MLC1: variants seen among roughly 807,000 people sequenced by gnomAD.
The protein encoded by MLC1 is membrane protein MLC1.
In MLC1, 32 loss-of-function variants were observed where a neutral mutation model predicts 44.7. The ratio of observed to expected loss-of-function variants is 0.72; its 90% CI spans 0.54 to 0.96. MLC1 has a LOEUF of 0.96. Ranked by LOEUF, MLC1 falls within the 40% of genes least tolerant of loss-of-function variation. The pLI is 0.00. For missense variants in MLC1, 459 were observed against 492.2 expected (o/e 0.93, Z 0.64); for synonymous variants, 190 against 213.0 (o/e 0.89, Z 0.94).
chr22:50,064,457 C>T lies in MLC1; in HGVS notation c.895-259G>A, dbSNP rs8142282. Among the ~76,000 whole-genome samples, 76,547 of 152,126 alleles carry T rather than the reference C, an allele frequency of 0.5. 20,357 individuals carry two copies. Among genetic ancestry groups the T allele is most frequent in the South Asian group, 0.59 (2,867 of 4,830 alleles). On this transcript the variant is annotated intron_variant, in intron 10 of 11. Coordinates refer to ENST00000311597, the MANE Select transcript of MLC1 (RefSeq NM_015166.4). ...AAGTGACCGAGCCACTGCCAGGCCC[C>T]GTGGACAGTGCTGGCTGCTAGTGGT...
intron 8 of MLC1, 31 bp from the exon 9 acceptor site, chr22:50,070,614 A>G: frequency 6.5e-7 from 1 of 1,547,890 alleles, no homozygotes; most frequent in Non-Finnish European, 8.7e-7. Context: ...AAGATTTTAG[A>G]GGAAATAGTC....
Position 50,083,263 on chromosome 22 carries a change from A to G in MLC1, c.178-90T>C, listed in dbSNP as rs2062192633. ...TCAACTTCTGCTTCACTGTCTGTGT[A>G]TTGGTGACTCACCCACGTCCCCCAG... On this transcript the variant is annotated intron_variant, in intron 2 of 11. Coordinates refer to ENST00000311597, the MANE Select transcript of MLC1 (RefSeq NM_015166.4). This position sits in a 1 kb window ranked among gnomAD's most constrained non-coding sequence, Gnocchi z 4.6. 1.7e-6 allele frequency: 2 copies of G among 1,180,526 alleles called. No individual in the cohort carries two copies. The highest frequency in any genetic ancestry group is 2.5e-6 in the Non-Finnish European group (2 of 798,176). The allele number at this position is 1,180,526 out of a possible 1,614,324, so 73.1% of individuals were successfully genotyped here.
intron 5 of MLC1, 96 bp downstream of exon 5, chr22:50,079,822 A>G (rs1190576566): frequency 2.2e-6 from 2 of 910,032 alleles, no homozygotes; most frequent in East Asian, 4.8e-5. Context: ...AATAACATTT[A>G]CCACCTATTT....
chr22:50,069,357 C>T (rs73183381), intron 9 of MLC1, among the ~76,000 whole-genome samples: 18,523 of 151,774 alleles, frequency 0.12, 1,254 homozygotes, highest in South Asian at 0.23. Flanking sequence ...TTTTGAAATA[C>T]TTACCATCTA....
In MLC1 at chr22:50,084,925, G is replaced by A. The variant is rs1193579847; in HGVS notation, c.-23C>T. The A allele has an allele frequency of 1.9e-6, 3 of 1,608,616 alleles. No individual in the cohort carries two copies. Among genetic ancestry groups the A allele is most frequent in the East Asian group, 4.5e-5 (2 of 44,900 alleles). On this transcript the variant is annotated 5_prime_UTR_variant, in exon 2 of 12. Transcript: ENST00000311597. Reference sequence around the variant, plus strand: ...CATGGCACTTGGGGACACCACAGCTGTGCTGAATGTACAGCCACGTGTCAC... The same window carrying A: ...CATGGCACTTGGGGACACCACAGCTATGCTGAATGTACAGCCACGTGTCAC...
intron 7 of MLC1, among the ~76,000 whole-genome samples, chr22:50,074,854 T>C (rs1004756236): frequency 8.5e-5 from 13 of 152,292 alleles, no homozygotes; most frequent in African/African-American, 2.9e-4. Context: ...TAGCACCCCT[T>C]TTCTAGAAAT....
Position 50,071,009 on chromosome 22 carries a change from C to T in MLC1, c.715-426G>A, listed in dbSNP as rs138875792. ...CACACACCCAAAGCAGGACCACGCTCGAGAGACTCCACGTGGGGCCGATGT... is the reference window on the plus strand; with the variant it reads ...CACACACCCAAAGCAGGACCACGCTTGAGAGACTCCACGTGGGGCCGATGT... On this transcript the variant is annotated intron_variant, in intron 8 of 11. Coordinates refer to ENST00000311597, the MANE Select transcript of MLC1 (RefSeq NM_015166.4). 1.7e-3 allele frequency among the ~76,000 whole-genome samples: 261 copies of T among 152,310 alleles called. 1 individual carries two copies. Among genetic ancestry groups the T allele is most frequent in the African/African-American group, 6.1e-3 (252 of 41,564 alleles).
At chr22:50,063,385 A>C in intron 11 of MLC1, among the ~76,000 whole-genome samples, 1 of 149,350 alleles carries the variant, frequency 6.7e-6, no homozygotes, top group Non-Finnish European at 1.5e-5. Flanking sequence ...AGGCAGGAGA[A>C]TTGCTTGAAC....
intron 8 of MLC1, among the ~76,000 whole-genome samples, chr22:50,072,578 C>T (rs1259060024): frequency 1.3e-5 from 2 of 152,152 alleles, no homozygotes; most frequent in African/African-American, 4.8e-5. Flanking sequence ...CAGGAGGGGT[C>T]TGCGGGATGG....
chr22:50,080,158 G>A (rs925742412), intron 4 of MLC1, 139 bp from the exon 5 acceptor site: 25 of 1,039,172 alleles, frequency 2.4e-5, no homozygotes, highest in African/African-American at 1.6e-4. Context: ...TGCTCAGCCC[G>A]CTCTCCCCTC....
intron 11 of MLC1, among the ~76,000 whole-genome samples, chr22:50,063,472 CAAA>C (rs1186364376): frequency 2.5e-5 from 2 of 79,576 alleles, no homozygotes; most frequent in Non-Finnish European, 5.0e-5. Context: ...GACTCCTTCT[CAAA>C]AAAAAAAAAA....
intron 11 of MLC1, 72 bp from the exon 12 acceptor site, chr22:50,061,729 G>A (rs1050951853): frequency 2.9e-5 from 41 of 1,395,724 alleles, no homozygotes; most frequent in African/African-American, 1.6e-4. Flanking sequence ...CACGCCACTC[G>A]GCCACAGGCA....
At chr22:50,065,553 G>A (rs190788413) in intron 10 of MLC1, among the ~76,000 whole-genome samples, 1 of 152,330 alleles carries the variant, frequency 6.6e-6, no homozygotes, top group East Asian at 1.9e-4. Flanking sequence ...AGCGGAAAAT[G>A]GTCAGGAGAC....
intron 11 of MLC1, 104 bp downstream of exon 11, chr22:50,063,930 C>T (rs1401791829): frequency 4.6e-6 from 6 of 1,310,646 alleles, no homozygotes; most frequent in Middle Eastern, 2.6e-4. Flanking sequence ...GGGCCACTCA[C>T]CTCCCCAGCT....
At chr22:50,063,882 C>CA (rs2061637901) in intron 11 of MLC1, 152 bp downstream of exon 11, 36 of 827,286 alleles carry the variant, frequency 4.4e-5, no homozygotes, top group African/African-American at 1.9e-4. Flanking sequence ...ACCCCCTCCC[C>CA]CTGCAGGCCA....
chr22:50,061,920 C>A (rs1317967685), intron 11 of MLC1, among the ~76,000 whole-genome samples: 1 of 152,248 alleles, frequency 6.6e-6, no homozygotes, highest in East Asian at 1.9e-4. Flanking sequence ...CACTCGGCCC[C>A]TTGCCCTGGC....
chr22:50,064,737 C>T (rs566784933), intron 10 of MLC1, among the ~76,000 whole-genome samples: 2 of 152,152 alleles, frequency 1.3e-5, no homozygotes, highest in East Asian at 1.9e-4. Flanking sequence ...AGGGAGCGGC[C>T]GAGGATGCAG....
At chr22:50,077,991 A>AT (rs3041368) in intron 5 of MLC1, among the ~76,000 whole-genome samples, 40,018 of 143,900 alleles carry the variant, frequency 0.28, 6,070 homozygotes, top group Non-Finnish European at 0.34. Flanking sequence ...CTGTCTGACA[A>AT]TTTTTTTTTT....
rs774935114 is a variant in MLC1, at chr22:50,061,598, C to T, written c.1119G>A (p.Val373=). The T allele has an allele frequency of 6.2e-7, 1 of 1,613,850 alleles. No homozygotes were observed. Among genetic ancestry groups the T allele is most frequent in the South Asian group, 1.1e-5 (1 of 91,080 alleles). The stretch of plus-strand genomic sequence containing the variant: ...CGTCTGGGGGTCACTGGGCCATTTG[C>T]ACCACGACGGCTCTCCAGGCTTTCT... The part of the protein sequence containing the change: ...DKEKAWRAVV[V]QMAQ The change falls in exon 12 of 12, where the codon GTG becomes GTA. Residue 373 remains valine (V), a synonymous_variant. Transcript: ENST00000311597.
Sources: allele counts gnomAD v4.1 joint callset (sites outside exome capture counted in the v4.1 genomes callset), GRCh38; gene constraint gnomAD v4.1.1; non-coding constraint Gnocchi (gnomAD v3.1); transcripts MANE v1.5; gene names NCBI Gene and HGNC (gene_info 2026-07-23, HGNC 2026-07-21).